Variants in EDAR observed in about 807,000 individuals in gnomAD.
The protein encoded by EDAR is ectodysplasin A receptor, also known as tumor necrosis factor receptor superfamily member EDAR.
A neutral mutation model predicts 51.3 loss-of-function variants in EDAR; 38 were observed. The observed-to-expected ratio is 0.74, with a 90% confidence interval of 0.57 to 0.97. EDAR has a LOEUF of 0.97. Ranked by LOEUF, EDAR falls within the 50% of genes least tolerant of loss-of-function variation. EDAR has a pLI of 0.00. For missense variants in EDAR, 528 were observed against 595.0 expected (o/e 0.89, Z 1.17); for synonymous variants, 227 against 242.1 (o/e 0.94, Z 0.58).
At chr2:108,907,662 C>T (rs1397047279) in intron 10 of EDAR, among the ~76,000 whole-genome samples, 198 bp downstream of exon 10, 1 of 146,492 alleles carries the variant, frequency 6.8e-6, no homozygotes, top group Non-Finnish European at 1.5e-5. Context: ...AAAAAAAAAA[C>T]AAAACTCAAA....
chr2:108,939,845 C>G (rs1278770923), intron 1 of EDAR, among the ~76,000 whole-genome samples: 1 of 152,160 alleles, frequency 6.6e-6, no homozygotes, highest in South Asian at 2.1e-4. Context: ...CCCTGCCTCC[C>G]CCAGACCCAG....
At chr2:108,957,992 T>C (rs1321377655) in intron 1 of EDAR, among the ~76,000 whole-genome samples, 1 of 152,190 alleles carries the variant, frequency 6.6e-6, no homozygotes, top group Non-Finnish European at 1.5e-5. Context: ...CAAAAAATGT[T>C]TGTCTTTAAG....
chr2:108,967,974 T>C (rs945616049), intron 1 of EDAR, among the ~76,000 whole-genome samples: 4 of 152,132 alleles, frequency 2.6e-5, no homozygotes, highest in Non-Finnish European at 5.9e-5. Flanking sequence ...AGAAAACAGC[T>C]CATGCACACA....
intron 1 of EDAR, among the ~76,000 whole-genome samples, chr2:108,963,273 C>G (rs181494060): frequency 6.6e-6 from 1 of 152,180 alleles, no homozygotes; most frequent in Non-Finnish European, 1.5e-5. Flanking sequence ...AAAATGATCA[C>G]GCACTACACA....
In EDAR at chr2:108,958,975, C is replaced by T. The variant is rs535051179; in HGVS notation, c.-18-27943G>A. ...TTCCCTGCAAGTCCTCAAGAAGTGGCCTCCATGGCTAGTGGCTGAGGCCAT... is the reference window on the plus strand; with the variant it reads ...TTCCCTGCAAGTCCTCAAGAAGTGGTCTCCATGGCTAGTGGCTGAGGCCAT... On this transcript the variant is annotated intron_variant, in intron 1 of 11. Transcript: ENST00000258443. 2.2e-4 allele frequency among the ~76,000 whole-genome samples: 34 copies of T among 152,348 alleles called. No individual in the cohort carries two copies. The South Asian group carries it at 5.6e-3, about 25-fold the overall frequency.
At chr2:108,922,775 C>T (rs577990522) in intron 5 of EDAR, among the ~76,000 whole-genome samples, 83 of 151,994 alleles carry the variant, frequency 5.5e-4, no homozygotes, top group Admixed American at 9.2e-4. Context: ...GACCACACAT[C>T]TAAGAGTCTA....
chr2:108,929,329 C>T lies in EDAR; in HGVS notation c.225G>A (p.Pro75=), dbSNP rs779483954. 7.4e-6 allele frequency: 12 copies of T among 1,614,008 alleles called. No individual in the cohort carries two copies. Among genetic ancestry groups the T allele is most frequent in the African/African-American group, 4.0e-5 (3 of 74,902 alleles). ...KDEDYGCVPC[P]AEKFSKGGYQ... ...AGCCTCCTTTGGAAAACTTCTCCGC[C>T]GGGCAGGGGACGCAGCCGTAGTCCT... The change falls in exon 4 of 12, where the codon CCG becomes CCA. Residue 75 remains proline (P), a synonymous_variant. Coordinates refer to ENST00000258443, the MANE Select transcript of EDAR (RefSeq NM_022336.4).
At chr2:108,953,163 A>G (rs1180375361) in intron 1 of EDAR, among the ~76,000 whole-genome samples, 2 of 152,224 alleles carry the variant, frequency 1.3e-5, no homozygotes, top group East Asian at 1.9e-4. Context: ...TGGAGTCTCT[A>G]TTGAAAGCTC....
intron 5 of EDAR, 66 bp downstream of exon 5, chr2:108,923,295 TCCTACAC>T: frequency 1.4e-6 from 2 of 1,464,844 alleles, no homozygotes; most frequent in Non-Finnish European, 1.9e-6. Context: ...ACCGGCTCTT[TCCTACAC>T]CCTCTGTAGT....
At chr2:108,957,347 C>G (rs1054486679) in intron 1 of EDAR, among the ~76,000 whole-genome samples, 2 of 152,222 alleles carry the variant, frequency 1.3e-5, no homozygotes, top group African/African-American at 4.8e-5. Flanking sequence ...CATGTGGAAG[C>G]CAAAGGTCTT....
intron 1 of EDAR, among the ~76,000 whole-genome samples, chr2:108,984,648 T>C (rs1041715802): frequency 2.0e-5 from 3 of 152,100 alleles, no homozygotes; most frequent in African/African-American, 7.2e-5. Flanking sequence ...CCCCCACTAC[T>C]ACCCTGGGCA....
At chr2:108,923,507 G>A in intron 4 of EDAR, 54 bp from the exon 5 acceptor site, 1 of 1,545,774 alleles carries the variant, frequency 6.5e-7, no homozygotes, top group South Asian at 1.1e-5. Context: ...CAGCACACAG[G>A]CAGGGACTGG....
chr2:108,966,375 C>G (rs1698150762), intron 1 of EDAR, among the ~76,000 whole-genome samples: 1 of 152,206 alleles, frequency 6.6e-6, no homozygotes, highest in Non-Finnish European at 1.5e-5. Context: ...CCCTTCAAAG[C>G]CTTAAGAAAT....
Position 108,968,885 on chromosome 2 carries a change from G to A in EDAR, c.-19+20075C>T, listed in dbSNP as rs535048180. 2.0e-5 allele frequency among the ~76,000 whole-genome samples: 3 copies of A among 152,290 alleles called. No individual in the cohort carries two copies. The South Asian group carries it at 6.2e-4, about 32-fold the overall frequency. On this transcript the variant is annotated intron_variant, in intron 1 of 11. Coordinates refer to ENST00000258443, the MANE Select transcript of EDAR (RefSeq NM_022336.4). ...TTTGGCCAAAGCCCAGTCACGGTAG[G>A]GTTACATGTTAGCTTGCAGATTTTA...
At chr2:108,933,411 A>AG (rs1697407032) in intron 1 of EDAR, among the ~76,000 whole-genome samples, 1 of 152,144 alleles carries the variant, frequency 6.6e-6, no homozygotes, top group Middle Eastern at 3.2e-3. Flanking sequence ...AGGTGGGAGA[A>AG]GGGGGTCCCA....
Position 108,913,156 on chromosome 2 carries a change from A to G in EDAR, c.443-392T>C, listed in dbSNP as rs375910060. ...AGTAGAGACGGGGTTTCACCATGTT[A>G]GCCAGGATGGGCTCGATCTCCTGAC... is the stretch of plus-strand genomic sequence containing the variant. On this transcript the variant is annotated intron_variant, in intron 5 of 11. Coordinates refer to ENST00000258443, the MANE Select transcript of EDAR (RefSeq NM_022336.4). 2.6e-3 allele frequency among the ~76,000 whole-genome samples: 390 copies of G among 151,906 alleles called. 4 individuals carry two copies. The South Asian group carries it at 0.037, about 14-fold the overall frequency.
At chr2:108,975,428 A>G (rs1334192864) in intron 1 of EDAR, among the ~76,000 whole-genome samples, 1 of 152,148 alleles carries the variant, frequency 6.6e-6, no homozygotes, top group Non-Finnish European at 1.5e-5. Flanking sequence ...CCGGCGAGAC[A>G]TGGATAGCGC....
At chr2:108,988,323 G>C (rs559494583) in intron 1 of EDAR, among the ~76,000 whole-genome samples, 1 of 152,288 alleles carries the variant, frequency 6.6e-6, no homozygotes, top group South Asian at 2.1e-4. Context: ...AATCAGAGCC[G>C]ACTCCTGTCT....
intron 1 of EDAR, among the ~76,000 whole-genome samples, chr2:108,960,898 A>G (rs1273985657): frequency 2.0e-5 from 3 of 152,256 alleles, no homozygotes; most frequent in Non-Finnish European, 2.9e-5. Context: ...ATGTACCAAG[A>G]GTATCCCCTA....
Sources: gnomAD v4.1 joint callset for allele counts (sites outside exome capture counted in the v4.1 genomes callset) on GRCh38, gnomAD v4.1.1 for gene constraint, MANE v1.5 for transcripts, NCBI Gene and HGNC (gene_info 2026-07-23, HGNC 2026-07-21) for gene names.